TRAF1: variants seen among roughly 807,000 people sequenced by gnomAD.
TRAF1 encodes TNF receptor associated factor 1.
In TRAF1, 23 loss-of-function variants were observed where a neutral mutation model predicts 40.9. The ratio of observed to expected loss-of-function variants is 0.56; its 90% CI spans 0.40 to 0.80. The LOEUF (loss-of-function observed/expected upper bound fraction) is 0.80. TRAF1 is among the 30% of genes least tolerant of loss of function. The probability of loss-of-function intolerance (pLI) is 0.00; values close to 1 mark genes in which losing one functional copy is unlikely to be tolerated. For synonymous variants in TRAF1, 206 were observed against 218.8 expected (o/e 0.94, Z 0.52); for missense variants, 477 against 528.7 (o/e 0.90, Z 0.96).
intron 4 of TRAF1, 106 bp downstream of exon 4, chr9:120,914,129 T>A (rs949029745): frequency 8.4e-6 from 8 of 951,200 alleles, no homozygotes; most frequent in African/African-American, 4.9e-5. Context: ...GACATCCAGA[T>A]GAGTGGACTG....
intron 3 of TRAF1, among the ~76,000 whole-genome samples, chr9:120,921,125 C>T (rs548693239): frequency 1.3e-5 from 2 of 152,212 alleles, no homozygotes; most frequent in South Asian, 2.1e-4. Context: ...GAGGTCTGCC[C>T]GCATTAAAGA....
At chr9:120,907,302 T>A (rs901353883) in intron 7 of TRAF1, among the ~76,000 whole-genome samples, 1 of 152,268 alleles carries the variant, frequency 6.6e-6, no homozygotes, top group African/African-American at 2.4e-5. Context: ...AGCTCATTTC[T>A]TTTTAGCACT....
In TRAF1 at chr9:120,902,516, G is replaced by C. The variant is rs75803656; in HGVS notation, c.*2504C>G. On this transcript the variant is annotated 3_prime_UTR_variant, in exon 8 of 8. Transcript: ENST00000373887. ...TCTGTGGGCAGGGCGGGGGGTGGGG[G>C]GGGGGGCGGTGGGCACTGCTGCATC... The C allele has an allele frequency of 6.8e-6, 1 of 148,126 alleles. No individual in the cohort carries two copies. Among genetic ancestry groups the C allele is most frequent in the African/African-American group, 2.5e-5 (1 of 40,246 alleles). The allele number at this position is 148,126 out of a possible 1,614,324, so 9.2% of individuals were successfully genotyped here.
chr9:120,919,688 C>T (rs1002645315), intron 3 of TRAF1, among the ~76,000 whole-genome samples: 4 of 152,204 alleles, frequency 2.6e-5, no homozygotes, highest in African/African-American at 9.7e-5. Context: ...CCGGTTTACT[C>T]TCTGTCAGCC....
upstream of TRAF1, chr9:120,926,919 A>C (rs1174283883): frequency 6.6e-6 from 1 of 152,176 alleles, no homozygotes; most frequent in East Asian, 1.9e-4. Flanking sequence ...ACAAAGCGCT[A>C]AACAAATGCA....
intron 3 of TRAF1, 86 bp downstream of exon 3, chr9:120,923,619 G>T: frequency 1.6e-6 from 2 of 1,282,204 alleles, no homozygotes; most frequent in Non-Finnish European, 1.1e-6. Context: ...TGCCTGCCAG[G>T]GGTGGAGTGG....
chr9:120,917,074 G>T (rs1008835651), intron 3 of TRAF1, among the ~76,000 whole-genome samples: 2 of 152,206 alleles, frequency 1.3e-5, no homozygotes, highest in Non-Finnish European at 2.9e-5. Flanking sequence ...AGGTGGAGGG[G>T]ATGTGTCTTT....
At chr9:120,906,173 G>GTTTTT (rs35324048) in intron 7 of TRAF1, among the ~76,000 whole-genome samples, 15 of 84,866 alleles carry the variant, frequency 1.8e-4, no homozygotes, top group Non-Finnish European at 2.6e-4. Flanking sequence ...ATTATGGTGT[G>GTTTTT]TTTTTTTTTT....
Position 120,909,319 on chromosome 9 carries a change from C to T in TRAF1, c.943G>A (p.Gly315Ser). 6.2e-7 allele frequency: 1 copy of T among 1,614,238 alleles called. No homozygotes were observed. The highest frequency in any genetic ancestry group is 1.1e-5 in the South Asian group (1 of 91,082). Residue 315 changes from glycine to serine, a missense_variant, in exon 7 of 8, where the codon GGC (glycine) becomes AGC (serine). Transcript: ENST00000373887. Reference sequence around the variant, plus strand: ...GACAGATGGGTTCTCTTTCCAGTGCCATCTCCATTCAGGTACAGCCGCAGG... The same window carrying T: ...GACAGATGGGTTCTCTTTCCAGTGCTATCTCCATTCAGGTACAGCCGCAGG... ...LCLRLYLNGD[G>S]TGKRTHLSLF...
At chr9:120,917,950 C>A (rs759933901) in intron 3 of TRAF1, among the ~76,000 whole-genome samples, 1 of 152,086 alleles carries the variant, frequency 6.6e-6, no homozygotes, top group Non-Finnish European at 1.5e-5. Context: ...CTTTAAAGAG[C>A]TAATTAAATT....
At chr9:120,918,344 A>G (rs2046582592) in intron 3 of TRAF1, among the ~76,000 whole-genome samples, 1 of 152,100 alleles carries the variant, frequency 6.6e-6, no homozygotes, top group Non-Finnish European at 1.5e-5. Context: ...AATTAATAGT[A>G]ATAATGGCTC....
At chr9:120,915,806 C>T (rs1365125630) in intron 3 of TRAF1, among the ~76,000 whole-genome samples, 1 of 151,676 alleles carries the variant, frequency 6.6e-6, no homozygotes, top group African/African-American at 2.4e-5. Context: ...TGTACTCCAG[C>T]CTGGGTAGCA....
At chr9:120,911,823 CA>C (rs1452068246) in intron 5 of TRAF1, among the ~76,000 whole-genome samples, 19 of 152,156 alleles carry the variant, frequency 1.2e-4, no homozygotes, top group Non-Finnish European at 5.9e-5. Context: ...GCTTCCCTAC[CA>C]GATGGTCTCC....
At chr9:120,917,062 G>A (rs75538425) in intron 3 of TRAF1, among the ~76,000 whole-genome samples, 2,027 of 152,306 alleles carry the variant, frequency 0.013, 23 homozygotes, top group Non-Finnish European at 0.021. Context: ...ACATCACCCC[G>A]CAGGTGGAGG....
At chr9:120,919,769 C>T (rs1418262311) in intron 3 of TRAF1, among the ~76,000 whole-genome samples, 1 of 152,218 alleles carries the variant, frequency 6.6e-6, no homozygotes, top group Non-Finnish European at 1.5e-5. Context: ...TAGTCTTGCC[C>T]ATTCCTGTTT....
At position 120,911,823 on chromosome 9, in the gene TRAF1, C is replaced by A. The variant is rs542965015; in HGVS notation, c.706-310G>T. Among the ~76,000 whole-genome samples the A allele has an allele frequency of 2.6e-5, 4 of 152,274 alleles. No individual in the cohort carries two copies. The East Asian group carries it at 7.7e-4, about 29-fold the overall frequency. On this transcript the variant is annotated intron_variant, in intron 5 of 7. Transcript: ENST00000373887. Reference sequence around the variant, plus strand: ...AGACATATTTTTCTGGCTTCCCTACCAGATGGTCTCCTCCACCGAAAGCTG... The same window carrying A: ...AGACATATTTTTCTGGCTTCCCTACAAGATGGTCTCCTCCACCGAAAGCTG...
At chr9:120,906,103 C>A (rs1435350031) in intron 7 of TRAF1, among the ~76,000 whole-genome samples, 2 of 152,142 alleles carry the variant, frequency 1.3e-5, no homozygotes, top group African/African-American at 4.8e-5. Flanking sequence ...ACACCCTCCC[C>A]TCATGCAATG....
At chr9:120,919,098 G>T (rs1040686577) in intron 3 of TRAF1, among the ~76,000 whole-genome samples, 1 of 152,198 alleles carries the variant, frequency 6.6e-6, no homozygotes, top group South Asian at 2.1e-4. Flanking sequence ...GGACCGAGGG[G>T]ACAGGAGAGG....
chr9:120,913,425 A>G lies in TRAF1; in HGVS notation c.608T>C (p.Val203Ala), dbSNP rs1405630652. ...GGAGGCCTCCACCTCCTTGTTGAGG[A>G]CAGCAACAATGTTCTCAAACACACG... ...KLRVFENIVA[V>A]LNKEVEASHL... Residue 203 changes from valine (V) to alanine (A), a missense_variant, in exon 5 of 8, where the codon GTC becomes GCC. Physicochemically the swap from Val to Ala is moderately conservative, Grantham distance 64. Coordinates refer to ENST00000373887, the MANE Select transcript of TRAF1 (RefSeq NM_005658.5). The G allele has an allele frequency of 6.2e-7, 1 of 1,613,922 alleles. No individual in the cohort carries two copies. Among genetic ancestry groups the G allele is most frequent in the Non-Finnish European group, 8.5e-7 (1 of 1,180,014 alleles).
Sources: gnomAD v4.1 joint callset for allele counts (sites outside exome capture counted in the v4.1 genomes callset) on GRCh38, gnomAD v4.1.1 for gene constraint, MANE v1.5 for transcripts, NCBI Gene and HGNC (gene_info 2026-07-23, HGNC 2026-07-21) for gene names.